The following WDFY3 variants were observed in gnomAD, a reference collection of about 807,000 sequenced individuals.
The protein encoded by WDFY3 is WD repeat and FYVE domain-containing protein 3.
WDFY3 carries 66 observed loss-of-function variants against 409.6 expected under a neutral mutation model. That is an observed-to-expected ratio of 0.16 (90% confidence interval 0.13 to 0.20). WDFY3 has a LOEUF of 0.20. Among genes scored for constraint, WDFY3 ranks in the 10% least tolerant of loss-of-function variants. WDFY3 has a pLI of 1.00. For synonymous variants in WDFY3, 1,521 were observed against 1,537.1 expected (o/e 0.99, Z 0.25); for missense variants, 3,031 against 4,298.1 (o/e 0.71, Z 8.24).
In WDFY3 at chr4:84,837,070, T is replaced by G. The variant is rs745417529; in HGVS notation, c.435A>C (p.Thr145=). ...SSGQKTVDCM[T]TMSVPSTLVK... ...CCAGGGTGGAAGGCACTGACATTGT[T>G]GTCATGCAGTCCACGGTTTTCTGGA... Residue 145 remains threonine, a synonymous_variant, in exon 7 of 68, where the codon ACA becomes ACC. Coordinates refer to ENST00000295888, the MANE Select transcript of WDFY3 (RefSeq NM_014991.6). 3 of 1,554,730 alleles carry G rather than the reference T, an allele frequency of 1.9e-6. No homozygotes were observed. The highest frequency in any genetic ancestry group is 1.3e-5 in the South Asian group (1 of 78,770).
intron 39 of WDFY3, chr4:84,739,398 A>G: frequency 3.0e-6 from 1 of 335,602 alleles, no homozygotes; most frequent in South Asian, 4.1e-5. Context: ...CCTAATAATT[A>G]CAAAATGTTC....
intron 32 of WDFY3, among the ~76,000 whole-genome samples, chr4:84,764,726 G>A (rs1201822171): frequency 6.6e-6 from 1 of 151,848 alleles, no homozygotes; most frequent in Non-Finnish European, 1.5e-5. Context: ...AAAATTAGCC[G>A]GGCGTGGTGG....
chr4:84,753,560 A>G, intron 35 of WDFY3, 137 bp downstream of exon 35: 1 of 947,374 alleles, frequency 1.1e-6, no homozygotes. Context: ...GCAAGAGGTG[A>G]TGTATAAAGT....
intron 45 of WDFY3, among the ~76,000 whole-genome samples, chr4:84,726,407 CTT>C (rs887195525): frequency 1.5e-4 from 23 of 152,074 alleles, no homozygotes; most frequent in Admixed American, 6.5e-4. Context: ...ATCACACACT[CTT>C]TGTTTCCATT....
chr4:84,890,735 G>A (rs1368566316), intron 3 of WDFY3, among the ~76,000 whole-genome samples: 2 of 152,316 alleles, frequency 1.3e-5, no homozygotes, highest in Admixed American at 6.5e-5. Flanking sequence ...CCACTGTAGC[G>A]TGAAAGCAGC....
In WDFY3 at chr4:84,809,703, A is replaced by AT. The variant is rs1752156823; in HGVS notation, c.2345+183_2345+184insA. ...CAAATAGTACACAGGCTTCCATGCT[A>AT]AAAAAAAAAAAAAACAATACCAGAG... On this transcript the variant is annotated intron_variant, in intron 14 of 67. Transcript: ENST00000295888. 1.2e-4 allele frequency: 19 copies of AT among 161,268 alleles called. No individual in the cohort carries two copies. The South Asian group carries it at 2.9e-3, about 25-fold the overall frequency. The allele number at this position is 161,268 out of a possible 1,614,324, so 10.0% of individuals were successfully genotyped here. A position where few individuals can be genotyped will look rare whatever the true frequency, so the allele number is the denominator to read the frequency against.
intron 13 of WDFY3, among the ~76,000 whole-genome samples, chr4:84,814,953 T>C (rs1488386556): frequency 1.3e-5 from 2 of 152,156 alleles, no homozygotes; most frequent in Non-Finnish European, 2.9e-5. Context: ...AGCCACCTCT[T>C]TGAGAATTAG....
intron 1 of WDFY3, among the ~76,000 whole-genome samples, chr4:84,941,353 G>C (rs1772097423): frequency 6.6e-6 from 1 of 151,926 alleles, no homozygotes; most frequent in Non-Finnish European, 1.5e-5. Context: ...AAAAGTTATA[G>C]ATAAAGAGAT....
chr4:84,950,136 A>G (rs900206787), intron 1 of WDFY3, among the ~76,000 whole-genome samples: 4 of 152,304 alleles, frequency 2.6e-5, no homozygotes, highest in Middle Eastern at 6.8e-3. Context: ...CTCTCAGCAA[A>G]CTAACACAGG....
chr4:84,927,073 C>T (rs1770094839), intron 2 of WDFY3, among the ~76,000 whole-genome samples: 1 of 152,110 alleles, frequency 6.6e-6, no homozygotes. Context: ...AATGTCTCAA[C>T]ATTTCTAACA....
chr4:84,691,849 A>G (rs566042962), intron 59 of WDFY3, 64 bp from the exon 60 acceptor site: 55 of 1,419,390 alleles, frequency 3.9e-5, no homozygotes, highest in Admixed American at 3.7e-4. Flanking sequence ...TATCTCATAG[A>G]GCATGATAAT....
chr4:84,855,736 G>A (rs1759671474), intron 4 of WDFY3, among the ~76,000 whole-genome samples: 1 of 152,116 alleles, frequency 6.6e-6, no homozygotes, highest in Non-Finnish European at 1.5e-5. Context: ...AATTAACAAT[G>A]AAGATGTAAT....
At chr4:84,802,219 T>C (rs1271624380) in intron 16 of WDFY3, among the ~76,000 whole-genome samples, 1 of 151,890 alleles carries the variant, frequency 6.6e-6, no homozygotes, top group Non-Finnish European at 1.5e-5. Context: ...AGTGTTAGGA[T>C]TACAGGCGTG....
chr4:84,685,061 C>G (rs1203835013), intron 62 of WDFY3, among the ~76,000 whole-genome samples: 1 of 152,184 alleles, frequency 6.6e-6, no homozygotes, highest in African/African-American at 2.4e-5. Flanking sequence ...AGCGCCAAAG[C>G]TTATATACCA....
At chr4:84,899,406 T>C (rs1390029234) in intron 2 of WDFY3, among the ~76,000 whole-genome samples, 1 of 152,224 alleles carries the variant, frequency 6.6e-6, no homozygotes, top group African/African-American at 2.4e-5. Flanking sequence ...TCAAATGTTA[T>C]TAAACTAAGT....
At position 84,860,504 on chromosome 4, in the gene WDFY3, G is replaced by A; in HGVS notation, c.88C>T (p.Arg30Trp). ...GGATGGCACAACTCCGTGAAGAGCC[G>A]GCGGAGGTGCATCAGTCCTAAGGCG... ...DNALGLMHLR[R>W]LFTELCHPPR... is the part of the protein sequence containing the mutation. Residue 30 changes from arginine (R) to tryptophan (W), a missense_variant, in exon 4 of 68, where the codon CGG (arginine) becomes TGG (tryptophan). Physicochemically the swap from Arg to Trp is moderately radical, Grantham distance 101 (BLOSUM62 -3). This residue lies in a region of WDFY3 where 1,322 missense variants were observed against 1,697.9 expected (regional missense o/e 0.78). Transcript: ENST00000295888. 1 of 1,614,090 alleles carries A rather than the reference G, an allele frequency of 6.2e-7. No individual in the cohort carries two copies. The highest frequency in any genetic ancestry group is 8.5e-7 in the Non-Finnish European group (1 of 1,180,006).
intron 56 of WDFY3, among the ~76,000 whole-genome samples, chr4:84,699,220 T>C (rs1013442421): frequency 4.6e-5 from 7 of 152,118 alleles, no homozygotes; most frequent in African/African-American, 1.7e-4. Context: ...CTGCCCGTAT[T>C]ACCTTCAACC....
intron 13 of WDFY3, among the ~76,000 whole-genome samples, chr4:84,812,821 T>C (rs555594393): frequency 1.3e-5 from 2 of 152,266 alleles, no homozygotes; most frequent in South Asian, 4.1e-4. Flanking sequence ...TCTGACATTA[T>C]CCCAAGCACA....
intron 1 of WDFY3, among the ~76,000 whole-genome samples, chr4:84,936,026 T>C (rs1433997310): frequency 7.2e-5 from 11 of 152,166 alleles, no homozygotes; most frequent in Non-Finnish European, 1.2e-4. Context: ...GTCAGTTACA[T>C]TGTCAGAGGA....
Sources: gnomAD v4.1 joint callset for allele counts (sites outside exome capture counted in the v4.1 genomes callset) on GRCh38, gnomAD v4.1.1 for gene constraint, gnomAD v4.1.1 regional missense constraint, MANE v1.5 for transcripts, NCBI Gene and HGNC (gene_info 2026-07-23, HGNC 2026-07-21) for gene names.